The following ADAM22 variants were observed in gnomAD, a reference collection of about 807,000 sequenced individuals.
ADAM22 encodes ADAM metallopeptidase domain 22.
A neutral mutation model predicts 144.6 loss-of-function variants in ADAM22; 65 were observed. That is an observed-to-expected ratio of 0.45 (90% CI 0.37 to 0.55). ADAM22 has a LOEUF of 0.55. Among genes scored for constraint, ADAM22 ranks in the 20% least tolerant of loss-of-function variants. The probability of loss-of-function intolerance (pLI) is 0.00; values close to 1 mark genes in which losing one functional copy is unlikely to be tolerated. For missense variants in ADAM22, 974 were observed against 1,184.9 expected, an observed-to-expected ratio of 0.82 and a Z score of 2.61; for synonymous variants, 391 against 412.6, an observed-to-expected ratio of 0.95 and a Z score of 0.63.
At chr7:87,952,844 T>C (rs1845613328) in intron 2 of ADAM22, among the ~76,000 whole-genome samples, 1 of 152,232 alleles carries the variant, frequency 6.6e-6, no homozygotes, top group Non-Finnish European at 1.5e-5. Flanking sequence ...TATTCAGAGA[T>C]TCAACTTCTT....
chr7:88,094,884 C>A (rs1820843535), intron 4 of ADAM22, among the ~76,000 whole-genome samples: 1 of 152,130 alleles, frequency 6.6e-6, no homozygotes. Flanking sequence ...GCTTAGAGAC[C>A]ATGAATATTG....
chr7:88,007,678 G>A (rs1033743209), intron 3 of ADAM22, among the ~76,000 whole-genome samples: 9 of 152,084 alleles, frequency 5.9e-5, no homozygotes, highest in African/African-American at 1.9e-4. Flanking sequence ...AATGGTGCTG[G>A]GAAAACTGGC....
At chr7:88,188,082 T>G (rs1249302796) in intron 30 of ADAM22, among the ~76,000 whole-genome samples, 1 of 152,074 alleles carries the variant, frequency 6.6e-6, no homozygotes, top group Non-Finnish European at 1.5e-5. Context: ...TTTGGAATCT[T>G]GGCTCACCTG....
At chr7:87,957,803 A>G (rs1003487789) in intron 2 of ADAM22, among the ~76,000 whole-genome samples, 1 of 152,032 alleles carries the variant, frequency 6.6e-6, no homozygotes, top group Non-Finnish European at 1.5e-5. Context: ...AGGTGGTCTC[A>G]AACTCCTGAC....
At chr7:88,049,564 A>G (rs1805635992) in intron 3 of ADAM22, among the ~76,000 whole-genome samples, 1 of 151,968 alleles carries the variant, frequency 6.6e-6, no homozygotes, top group Non-Finnish European at 1.5e-5. Flanking sequence ...ACGCCCGGCT[A>G]ATTTTGCATT....
At position 88,155,915 on chromosome 7, in the gene ADAM22, A is replaced by G. The variant is rs757784507; in HGVS notation, c.1816A>G (p.Thr606Ala). Residue 606 changes from threonine to alanine, a missense_variant, in exon 22 of 32, where the codon ACC becomes GCC. Thr to Ala is a moderately conservative substitution (Grantham distance 58, BLOSUM62 0). Transcript: ENST00000413139. ...TGTGCTTTGTGGTTACCTTTTGTGT[A>G]CCAATATTGGCAATATCCCAAGGCT... is the stretch of plus-strand genomic sequence containing the variant. ...RDVLCGYLLC[T>A]NIGNIPRLGE... 6 of 1,613,382 alleles carry G rather than the reference A, an allele frequency of 3.7e-6. No homozygotes were observed. Among genetic ancestry groups the G allele is most frequent in the Non-Finnish European group, 4.2e-6 (5 of 1,179,580 alleles).
At chr7:88,130,566 C>A in intron 10 of ADAM22, 107 bp downstream of exon 10, 1 of 1,080,316 alleles carries the variant, frequency 9.3e-7, no homozygotes, top group Non-Finnish European at 1.3e-6. Context: ...TGTTGCACTT[C>A]AGCCAAGGTG....
chr7:88,054,257 A>T (rs1807519789), intron 3 of ADAM22, among the ~76,000 whole-genome samples: 1 of 152,234 alleles, frequency 6.6e-6, no homozygotes, highest in South Asian at 2.1e-4. Context: ...CAAAGGGAAT[A>T]CATAATTTAT....
chr7:88,082,980 A>G (rs1652384670), intron 4 of ADAM22, among the ~76,000 whole-genome samples: 2 of 152,214 alleles, frequency 1.3e-5, no homozygotes, highest in African/African-American at 2.4e-5. Context: ...CAGCCATCCC[A>G]TTAGTGGGTA....
chr7:87,981,755 G>C (rs535892058), intron 3 of ADAM22, among the ~76,000 whole-genome samples: 1 of 151,908 alleles, frequency 6.6e-6, no homozygotes, highest in African/African-American at 2.4e-5. Context: ...AATTCAATTG[G>C]AATTGAAAGT....
Position 87,934,474 on chromosome 7 carries a change from G to T in ADAM22, c.9G>T (p.Ala3=), listed in dbSNP as rs368425480. Residue 3 remains alanine (A), a synonymous_variant, in exon 1 of 32, where the codon GCG becomes GCT. Transcript: ENST00000413139. ...GGGCTGACGGCAGCACCATGCAGGC[G>T]GCAGTGGCTGTGTCCGTGCCCTTCT... is the stretch of plus-strand genomic sequence containing the variant. MQ[A]AVAVSVPFLL... 15 of 1,600,618 alleles carry T rather than the reference G, an allele frequency of 9.4e-6. No homozygotes were observed. The highest frequency in any genetic ancestry group is 1.2e-5 in the Non-Finnish European group (14 of 1,176,858).
At chr7:88,042,755 A>G (rs1312562317) in intron 3 of ADAM22, among the ~76,000 whole-genome samples, 3 of 151,732 alleles carry the variant, frequency 2.0e-5, no homozygotes, top group Non-Finnish European at 4.4e-5. Flanking sequence ...CACTTGATTA[A>G]GGGAGACTCG....
At chr7:88,051,247 C>T (rs557363917) in intron 3 of ADAM22, among the ~76,000 whole-genome samples, 1 of 152,154 alleles carries the variant, frequency 6.6e-6, no homozygotes, top group African/African-American at 2.4e-5. Context: ...AAGACACATG[C>T]ACATGTATGT....
At chr7:88,030,691 GCT>G (rs528191113) in intron 3 of ADAM22, among the ~76,000 whole-genome samples, 1 of 151,728 alleles carries the variant, frequency 6.6e-6, no homozygotes, top group African/African-American at 2.4e-5. Context: ...CTCCCTCTTT[GCT>G]CTCTCTCTCT....
At chr7:88,127,100 A>G (rs1004591316) in intron 8 of ADAM22, among the ~76,000 whole-genome samples, 11 of 151,834 alleles carry the variant, frequency 7.2e-5, no homozygotes, top group African/African-American at 1.9e-4. Flanking sequence ...GTGTGTGTAT[A>G]TATATATATA....
intron 4 of ADAM22, among the ~76,000 whole-genome samples, chr7:88,092,301 TC>T (rs1820090738): frequency 6.6e-6 from 1 of 152,024 alleles, no homozygotes; most frequent in African/African-American, 2.4e-5. Context: ...TCTTTTACCC[TC>T]CGTTCCACAA....
intron 14 of ADAM22, among the ~76,000 whole-genome samples, chr7:88,137,140 G>A (rs1833177889): frequency 6.6e-6 from 1 of 152,002 alleles, no homozygotes; most frequent in Non-Finnish European, 1.5e-5. Context: ...ATAGCATTTG[G>A]TTTGCATGTT....
chr7:88,113,955 G>A (rs1279149343), intron 5 of ADAM22, among the ~76,000 whole-genome samples: 1 of 151,346 alleles, frequency 6.6e-6, no homozygotes, highest in African/African-American at 2.4e-5. Context: ...TGCTCTTACT[G>A]GTTAAATAAT....
At chr7:87,957,008 C>T (rs1021293168) in intron 2 of ADAM22, among the ~76,000 whole-genome samples, 2 of 151,968 alleles carry the variant, frequency 1.3e-5, no homozygotes, top group Non-Finnish European at 2.9e-5. Context: ...TCTTTAAAAC[C>T]CTGCCTATGG....
Sources: allele counts gnomAD v4.1 joint callset (sites outside exome capture counted in the v4.1 genomes callset), GRCh38; gene constraint gnomAD v4.1.1; transcripts MANE v1.5; gene names NCBI Gene and HGNC (gene_info 2026-07-23, HGNC 2026-07-21).